ZNF782: variants seen among roughly 807,000 people sequenced by gnomAD.
ZNF782 encodes the protein zinc finger protein 782.
ZNF782 carries 12 observed loss-of-function variants against 13.0 expected under a neutral mutation model. The ratio of observed to expected loss-of-function variants is 0.92; its 90% CI spans 0.59 to 1.50. ZNF782 has a LOEUF of 1.50. ZNF782 is among the 40% of genes most tolerant of loss of function. The pLI is 0.00. For missense variants in ZNF782, 770 were observed against 822.9 expected, an observed-to-expected ratio of 0.94 and a Z score of 0.79; for synonymous variants, 284 against 283.0, an observed-to-expected ratio of 1.00 and a Z score of -0.04.
At chr9:96,821,598 T>G (rs1034841343) in intron 5 of ZNF782, among the ~76,000 whole-genome samples, 1 of 152,186 alleles carries the variant, frequency 6.6e-6, no homozygotes, top group African/African-American at 2.4e-5. Flanking sequence ...AGGAAGCATT[T>G]TAAAACTTAC....
At chr9:96,826,091 C>T (rs1410447558) in intron 5 of ZNF782, among the ~76,000 whole-genome samples, 3 of 152,218 alleles carry the variant, frequency 2.0e-5, no homozygotes, top group Non-Finnish European at 4.4e-5. Context: ...TATAAAGACA[C>T]ATGCACATGT....
At chr9:96,930,871 G>GTTTTTT in the ZNF782 span, among the ~76,000 whole-genome samples, 4 of 104,404 alleles carry the variant, frequency 3.8e-5, no homozygotes, top group African/African-American at 1.5e-4. Flanking sequence ...TCCATCCAGT[G>GTTTTTT]GTTTTTTTTT....
chr9:96,890,520 G>C, the ZNF782 span: 2 of 152,208 alleles, frequency 1.3e-5, no homozygotes, highest in African/African-American at 4.8e-5. Flanking sequence ...GTGTGTTCGC[G>C]TGTTAATTAA....
intron 1 of ZNF782, among the ~76,000 whole-genome samples, chr9:96,853,657 T>C (rs1851570743): frequency 6.6e-6 from 1 of 152,182 alleles, no homozygotes; most frequent in Non-Finnish European, 1.5e-5. Flanking sequence ...TAAGATTCCA[T>C]CTACATCCAC....
At chr9:96,855,912 G>C (rs1256037460), upstream of ZNF782, among the ~76,000 whole-genome samples, 1 of 152,172 alleles carries the variant, frequency 6.6e-6, no homozygotes, top group East Asian at 1.9e-4. Flanking sequence ...AGCCATGCCA[G>C]CATCAACTAT....
the ZNF782 span, among the ~76,000 whole-genome samples, chr9:96,884,119 C>T: frequency 1.3e-5 from 2 of 152,214 alleles, no homozygotes; most frequent in Non-Finnish European, 2.9e-5. Flanking sequence ...GTGGTATTGG[C>T]AGGGCCGAGC....
intron 2 of ZNF782, 67 bp downstream of exon 2, chr9:96,852,786 T>G (rs1396929480): frequency 6.6e-6 from 1 of 152,622 alleles, no homozygotes; most frequent in African/African-American, 2.4e-5. Flanking sequence ...GGCAAAGAGT[T>G]TTAGATGTTT....
intron 3 of ZNF782, among the ~76,000 whole-genome samples, chr9:96,846,996 G>T (rs1254854308): frequency 6.6e-6 from 1 of 152,096 alleles, no homozygotes; most frequent in Non-Finnish European, 1.5e-5. Context: ...TATCTACTCA[G>T]ATCACAGCAG....
At chr9:96,868,298 T>C (rs1851784331) in intron 1 of ZNF782, among the ~76,000 whole-genome samples, 1 of 152,234 alleles carries the variant, frequency 6.6e-6, no homozygotes, top group African/African-American at 2.4e-5. Flanking sequence ...TTTTGTAGTC[T>C]ACTGGAGTTC....
the ZNF782 span, chr9:96,909,946 A>G: frequency 4.9e-6 from 2 of 412,102 alleles, no homozygotes; most frequent in Non-Finnish European, 9.1e-6. Context: ...CCATCTTTGC[A>G]TTGTTCCTTG....
the ZNF782 span, chr9:96,891,277 TTATG>T: frequency 6.6e-6 from 1 of 152,212 alleles, no homozygotes; most frequent in African/African-American, 2.4e-5. Flanking sequence ...TACATTTATA[TTATG>T]TATATTTTAC....
In ZNF782 at chr9:96,818,949, C is replaced by T. The variant is rs763005751; in HGVS notation, c.1074G>A (p.Lys358=). The T allele has an allele frequency of 8.1e-6, 13 of 1,614,058 alleles. No individual in the cohort carries two copies. The highest frequency in any genetic ancestry group is 1.1e-5 in the Non-Finnish European group (13 of 1,180,030). Reference sequence around the variant, plus strand: ...CATAGGGTTTTGCCCTTATGTGAACCTTCTGATGTACACTGAAAGTTGACT... The same window carrying T: ...CATAGGGTTTTGCCCTTATGTGAACTTTCTGATGTACACTGAAAGTTGACT... ...SYQSTFSVHQ[K]VHIRAKPYEY... is the part of the protein sequence containing the mutation. The change falls in exon 6 of 6, where the codon AAG becomes AAA. Residue 358 remains lysine, a synonymous_variant. Transcript: ENST00000481138.
At chr9:96,820,082 G>A (rs1286891759) in intron 5 of ZNF782, among the ~76,000 whole-genome samples, 4 of 152,112 alleles carry the variant, frequency 2.6e-5, no homozygotes, top group Admixed American at 6.5e-5. Context: ...TGGTGTATAC[G>A]TAAGAGCATT....
intron 1 of ZNF782, among the ~76,000 whole-genome samples, chr9:96,874,713 G>A (rs1851872128): frequency 6.6e-6 from 1 of 152,232 alleles, no homozygotes; most frequent in Non-Finnish European, 1.5e-5. Flanking sequence ...TCAGAGGGGT[G>A]TTCTCTTTCT....
intron 1 of ZNF782, among the ~76,000 whole-genome samples, chr9:96,863,350 T>TAA (rs60984657): frequency 1.4e-4 from 19 of 140,100 alleles, no homozygotes; most frequent in African/African-American, 4.8e-4. Flanking sequence ...AATTTAAAAA[T>TAA]AAAAAAAAAA....
At chr9:96,930,877 T>G in the ZNF782 span, among the ~76,000 whole-genome samples, 3 of 55,296 alleles carry the variant, frequency 5.4e-5, no homozygotes, top group East Asian at 8.6e-4. Flanking sequence ...CAGTGGTTTT[T>G]TTTTTTTTTT....
chr9:96,876,943 C>CAAAAAAAAAAAAAAAAAAAAAAAAAAA (rs398011569), upstream of ZNF782, among the ~76,000 whole-genome samples: 15 of 42,822 alleles, frequency 3.5e-4, no homozygotes, highest in Non-Finnish European at 4.8e-4. Flanking sequence ...AACTCCGACT[C>CAAAAAAAAAAAAAAAAAAAAAAAAAAA]AAAAAAAAAA....
At chr9:96,886,020 G>C in the ZNF782 span, among the ~76,000 whole-genome samples, 1 of 151,848 alleles carries the variant, frequency 6.6e-6, no homozygotes, top group South Asian at 2.1e-4. Flanking sequence ...ACTAAGTTTT[G>C]TATTTTTTGT....
chr9:96,889,362 GGTT>G, the ZNF782 span: 1 of 151,998 alleles, frequency 6.6e-6, no homozygotes, highest in Non-Finnish European at 1.5e-5. Context: ...GCCCAAGTCA[GGTT>G]GTTAATAATA....
Sources: gnomAD v4.1 joint callset for allele counts (sites outside exome capture counted in the v4.1 genomes callset) on GRCh38, gnomAD v4.1.1 for gene constraint, MANE v1.5 for transcripts, NCBI Gene and HGNC (gene_info 2026-07-23, HGNC 2026-07-21) for gene names.